KCNMA1: variants seen among roughly 807,000 people sequenced by gnomAD.
The protein encoded by KCNMA1 is Calcium-activated potassium channel subunit alpha-1.
Under a neutral mutation model 140.0 loss-of-function variants are expected in KCNMA1, and 29 were observed. That is an observed-to-expected ratio of 0.21 (90% CI 0.15 to 0.28). The LOEUF (loss-of-function observed/expected upper bound fraction) is 0.28, where lower values mean the gene tolerates loss of function less well. Ranked by LOEUF, KCNMA1 falls within the 10% of genes least tolerant of loss-of-function variation. KCNMA1 has a pLI of 1.00. For missense variants in KCNMA1, 880 were observed against 1,602.2 expected (o/e 0.55, Z 7.70); for synonymous variants, 612 against 611.9 (o/e 1.00, Z 0.00).
intron 19 of KCNMA1, among the ~76,000 whole-genome samples, chr10:76,993,582 C>T (rs921849036): frequency 6.6e-6 from 1 of 152,226 alleles, no homozygotes; most frequent in African/African-American, 2.4e-5. Context: ...CTTCTCAGAA[C>T]AGCTGGGGCC....
At chr10:77,207,020 ATAT>A (rs1289779473) in intron 3 of KCNMA1, among the ~76,000 whole-genome samples, 1 of 152,166 alleles carries the variant, frequency 6.6e-6, no homozygotes, top group Admixed American at 6.5e-5. Context: ...TGACAATTTA[ATAT>A]TATATAATAT....
chr10:77,167,077 T>C (rs531607463), intron 5 of KCNMA1, among the ~76,000 whole-genome samples: 11 of 152,320 alleles, frequency 7.2e-5, no homozygotes, highest in Non-Finnish European at 1.6e-4. Context: ...ATTTCTTCTA[T>C]CTAAGTGTAT....
At chr10:77,509,780 G>C (rs1439556925) in intron 1 of KCNMA1, among the ~76,000 whole-genome samples, 1 of 152,104 alleles carries the variant, frequency 6.6e-6, no homozygotes, top group African/African-American at 2.4e-5. Flanking sequence ...AAAAATTAAC[G>C]TTATGTTTTA....
Position 77,025,271 on chromosome 10 carries a change from T to C in KCNMA1, c.1928+2552A>G, listed in dbSNP as rs1484690883. On this transcript the variant is annotated intron_variant, in intron 16 of 27. Coordinates refer to ENST00000286628, the MANE Select transcript of KCNMA1 (RefSeq NM_001161352.2). ...ATATATATATATATATATATATATA[T>C]ATATATATATACACACACACATATA... Among the ~76,000 whole-genome samples the C allele has an allele frequency of 5.1e-5, 6 of 118,802 alleles. 1 individual carries two copies. Among genetic ancestry groups the C allele is most frequent in the East Asian group, 2.9e-4 (1 of 3,486 alleles). 77.9% of individuals were successfully genotyped at this position (118,802 alleles called of 152,430 possible).
At chr10:77,095,520 A>G (rs2096909473) in intron 9 of KCNMA1, among the ~76,000 whole-genome samples, 1 of 152,108 alleles carries the variant, frequency 6.6e-6, no homozygotes, top group African/African-American at 2.4e-5. Flanking sequence ...GGCTGGTTTA[A>G]CTGAAAAGGG....
At position 77,266,609 on chromosome 10, in the gene KCNMA1, T is replaced by A. The variant is rs570465383; in HGVS notation, c.541-15353A>T. 1.3e-4 allele frequency among the ~76,000 whole-genome samples: 20 copies of A among 152,324 alleles called. No homozygotes were observed. In the South Asian group the frequency reaches 3.7e-3, roughly 28 times the overall value. ...TGTTGTTTCTTTTCTTTTCTTCTAT[T>A]GAATAATCAATCCATTCAGGCACAG... On this transcript the variant is annotated intron_variant, in intron 2 of 27. Coordinates refer to ENST00000286628, the MANE Select transcript of KCNMA1 (RefSeq NM_001161352.2).
At chr10:77,012,363 C>T (rs1270488877) in intron 17 of KCNMA1, 10 of 1,496,754 alleles carry the variant, frequency 6.7e-6, no homozygotes, top group South Asian at 2.7e-5. Context: ...TGATGCTACT[C>T]GTGGGGACAT....
At chr10:77,132,123 G>GCTT (rs2097875204) in intron 5 of KCNMA1, among the ~76,000 whole-genome samples, 1 of 152,032 alleles carries the variant, frequency 6.6e-6, no homozygotes, top group South Asian at 2.1e-4. Flanking sequence ...AACAAAAAAT[G>GCTT]CTTTAGAAAA....
chr10:76,876,489 T>A (rs1001218987), downstream of KCNMA1: 1 of 152,662 alleles, frequency 6.6e-6, no homozygotes, highest in African/African-American at 2.4e-5. Context: ...AAAAATCTTT[T>A]GACCGCAGTT....
chr10:77,459,183 G>A (rs1257475033), intron 1 of KCNMA1, among the ~76,000 whole-genome samples: 3 of 152,192 alleles, frequency 2.0e-5, no homozygotes, highest in Non-Finnish European at 4.4e-5. Flanking sequence ...TGGGGGCATG[G>A]GCAGGGCATT....
intron 5 of KCNMA1, among the ~76,000 whole-genome samples, chr10:77,168,904 G>T (rs368277019): frequency 6.6e-6 from 1 of 152,096 alleles, no homozygotes; most frequent in Non-Finnish European, 1.5e-5. Context: ...GCTTTTTTGG[G>T]TCCTATCTTC....
intron 1 of KCNMA1, chr10:77,587,157 T>C (rs901693815): frequency 1.3e-5 from 2 of 152,052 alleles, no homozygotes; most frequent in South Asian, 2.1e-4. Context: ...TGCACAACAG[T>C]TCTAAACAAA....
chr10:77,025,562 G>T (rs969069296), intron 16 of KCNMA1: 32 of 908,716 alleles, frequency 3.5e-5, no homozygotes, highest in Admixed American at 6.3e-5. Flanking sequence ...ATCACTTGAA[G>T]GATGCATGTG....
chr10:77,382,335 C>T (rs2095419258), intron 2 of KCNMA1, among the ~76,000 whole-genome samples: 1 of 152,162 alleles, frequency 6.6e-6, no homozygotes, highest in Non-Finnish European at 1.5e-5. Flanking sequence ...TATTAACTAA[C>T]AAGTCTATGA....
chr10:77,583,321 A>G (rs1050464829), intron 1 of KCNMA1, among the ~76,000 whole-genome samples: 3 of 152,246 alleles, frequency 2.0e-5, no homozygotes, highest in African/African-American at 7.2e-5. Context: ...TTTCACAGAA[A>G]GATGGACGGG....
intron 1 of KCNMA1, among the ~76,000 whole-genome samples, chr10:77,593,324 G>T (rs1192332825): frequency 2.0e-5 from 3 of 152,332 alleles, no homozygotes; most frequent in Non-Finnish European, 2.9e-5. Flanking sequence ...CCAGGCGCCA[G>T]GTCACCATCT....
intron 1 of KCNMA1, among the ~76,000 whole-genome samples, chr10:77,469,841 C>T (rs188309680): frequency 3.5e-4 from 53 of 152,290 alleles, no homozygotes; most frequent in African/African-American, 1.1e-3. Context: ...GAAAAGATAG[C>T]AATTCACAAT....
intron 2 of KCNMA1, among the ~76,000 whole-genome samples, chr10:77,320,676 A>C (rs759501250): frequency 3.9e-5 from 6 of 152,180 alleles, no homozygotes; most frequent in Non-Finnish European, 7.3e-5. Context: ...GCACCACCAC[A>C]CTTGAGAACA....
chr10:76,929,829 A>G (rs1305003888), intron 23 of KCNMA1: 1 of 152,222 alleles, frequency 6.6e-6, no homozygotes, highest in African/African-American at 2.4e-5. Context: ...AATTAAATCC[A>G]CCCATTTAAG....
Sources: gnomAD v4.1 joint callset for allele counts (sites outside exome capture counted in the v4.1 genomes callset) on GRCh38, gnomAD v4.1.1 for gene constraint, MANE v1.5 for transcripts, NCBI Gene and HGNC (gene_info 2026-07-23, HGNC 2026-07-21) for gene names.